LRRC75A: variants seen among roughly 807,000 people sequenced by gnomAD.
LRRC75A encodes the protein leucine rich repeat containing 75A.
LRRC75A carries 12 observed loss-of-function variants against 26.0 expected under a neutral mutation model. The observed-to-expected ratio is 0.46, with a 90% CI of 0.30 to 0.75. LRRC75A has a LOEUF of 0.75. Among genes scored for constraint, LRRC75A ranks in the 30% least tolerant of loss-of-function variants. The probability of loss-of-function intolerance (pLI) is 0.08; values close to 1 mark genes in which losing one functional copy is unlikely to be tolerated. For synonymous variants in LRRC75A, 223 were observed against 219.3 expected (o/e 1.02, Z -0.15); for missense variants, 410 against 486.6 (o/e 0.84, Z 1.48).
At chr17:16,453,997 T>C (rs929415114) in intron 2 of LRRC75A, among the ~76,000 whole-genome samples, 2 of 152,168 alleles carry the variant, frequency 1.3e-5, no homozygotes, top group East Asian at 1.9e-4. Context: ...TCTGAGCAGA[T>C]AGCCTTCCTG....
intron 2 of LRRC75A, among the ~76,000 whole-genome samples, chr17:16,456,185 G>C (rs1179341149): frequency 9.5e-6 from 1 of 105,418 alleles, no homozygotes; most frequent in Non-Finnish European, 2.0e-5. Flanking sequence ...GGAGGAGGAA[G>C]AGGAGGAAGG....
Position 16,443,746 on chromosome 17 carries a change from C to A in LRRC75A, c.877G>T (p.Gly293Cys). 6.2e-7 allele frequency: 1 copy of A among 1,613,852 alleles called. No homozygotes were observed. Among genetic ancestry groups the A allele is most frequent in the South Asian group, 1.1e-5 (1 of 91,074 alleles). The change falls in exon 4 of 4, where the codon GGC becomes TGC. Residue 293 changes from glycine to cysteine, a missense_variant. Coordinates refer to ENST00000470794, the MANE Select transcript of LRRC75A (RefSeq NM_001113567.3). Reference protein sequence around the residue: ...LSLRKRSPKQGHLPTILELGE... With the variant: ...LSLRKRSPKQCHLPTILELGE... ...AGCTCCAGGATGGTGGGTAGGTGGCCCTGCTTTGGGGAGCGCTTGCGCAGG... is the reference window on the plus strand; with the variant it reads ...AGCTCCAGGATGGTGGGTAGGTGGCACTGCTTTGGGGAGCGCTTGCGCAGG...
intron 1 of LRRC75A, among the ~76,000 whole-genome samples, chr17:16,468,097 T>G (rs553045599): frequency 2.6e-5 from 4 of 152,332 alleles, no homozygotes; most frequent in Non-Finnish European, 2.9e-5. Context: ...ACTGGAAACT[T>G]TGTGCGCTGC....
intron 2 of LRRC75A, among the ~76,000 whole-genome samples, chr17:16,452,146 G>A (rs2093637041): frequency 8.1e-6 from 1 of 123,154 alleles, no homozygotes; most frequent in Non-Finnish European, 1.7e-5. Context: ...GACCCCAGGA[G>A]TTCAAGACTA....
At chr17:16,444,170 G>T (rs529687498) in intron 3 of LRRC75A, 39 bp from the exon 4 acceptor site, 1 of 1,498,960 alleles carries the variant, frequency 6.7e-7, no homozygotes, top group Non-Finnish European at 9.0e-7. Context: ...AGGCACATAG[G>T]GCAGGCCTTT....
In LRRC75A at chr17:16,470,739, G is replaced by A. The variant is rs1041380033; in HGVS notation, c.247-8353C>T. On this transcript the variant is annotated intron_variant, in intron 1 of 3. Coordinates refer to ENST00000470794, the MANE Select transcript of LRRC75A (RefSeq NM_001113567.3). ...AGAAGCTGGGACATCCCAGAGTTAAGGAGCTGGGCACAGAGAAGACTTGCT... is the reference window on the plus strand; with the variant it reads ...AGAAGCTGGGACATCCCAGAGTTAAAGAGCTGGGCACAGAGAAGACTTGCT... Among the ~76,000 whole-genome samples the A allele has an allele frequency of 5.3e-5, 8 of 152,318 alleles. No individual in the cohort carries two copies. In the East Asian group the frequency reaches 1.4e-3, roughly 26 times the overall value.
chr17:16,469,830 C>T lies in LRRC75A; in HGVS notation c.247-7444G>A, dbSNP rs889688331. Among the ~76,000 whole-genome samples the T allele has an allele frequency of 2.6e-5, 4 of 152,184 alleles. No homozygotes were observed. In the East Asian group the frequency reaches 5.8e-4, roughly 22 times the overall value. On this transcript the variant is annotated intron_variant, in intron 1 of 3. Coordinates refer to ENST00000470794, the MANE Select transcript of LRRC75A (RefSeq NM_001113567.3). Reference sequence around the variant, plus strand: ...GCCTTGGGAGTTGCTGTCTCTGAACCGATGCAGACAGAGGCATGGGAGAGG... The same window carrying T: ...GCCTTGGGAGTTGCTGTCTCTGAACTGATGCAGACAGAGGCATGGGAGAGG...
rs1165635256 is a variant in LRRC75A, at chr17:16,444,110, T to G, written c.513A>C (p.Gly171=). 1 of 1,604,650 alleles carries G rather than the reference T, an allele frequency of 6.2e-7. No homozygotes were observed. Among genetic ancestry groups the G allele is most frequent in the African/African-American group, 1.3e-5 (1 of 74,762 alleles). Residue 171 remains glycine (G), a synonymous_variant, in exon 4 of 4, where the codon GGA becomes GGC. Coordinates refer to ENST00000470794, the MANE Select transcript of LRRC75A (RefSeq NM_001113567.3). ...GGTCCACTGTGTTGTCTGGGGGGCT[T>G]CCGGCCAGGACAGCCTTGAGGCTGA... ...PQACLKAVLA[G]SPPDNTVDLS...
At position 16,441,959 on chromosome 17, in the gene LRRC75A, T is replaced by A. The variant is rs1424433530; in HGVS notation, c.*1629A>T. On this transcript the variant is annotated 3_prime_UTR_variant, in exon 4 of 4. Transcript: ENST00000470794. ...TGGAAATTGTAAATTCCTCCTGAAA[T>A]GTTTTTTCATGCAGTTACCATGAAC... 6.5e-6 allele frequency: 1 copy of A among 153,212 alleles called. No individual in the cohort carries two copies. Among genetic ancestry groups the A allele is most frequent in the African/African-American group, 2.4e-5 (1 of 41,452 alleles). 9.5% of individuals were successfully genotyped at this position (153,212 alleles called of 1,614,324 possible). A position where few individuals can be genotyped will look rare whatever the true frequency, so the allele number is the denominator to read the frequency against.
intron 2 of LRRC75A, among the ~76,000 whole-genome samples, chr17:16,454,417 C>T (rs1313389939): frequency 1.7e-5 from 2 of 120,500 alleles, no homozygotes; most frequent in Non-Finnish European, 3.5e-5. Context: ...ACAGGCCAGG[C>T]GTGGTGGCTC....
At chr17:16,477,982 T>C (rs115156259) in intron 1 of LRRC75A, among the ~76,000 whole-genome samples, 4,320 of 151,154 alleles carry the variant, frequency 0.029, 208 homozygotes, top group African/African-American at 0.099. Flanking sequence ...ATGCAATGGG[T>C]CAGGCAAAGG....
Position 16,443,759 on chromosome 17 carries a change from G to C in LRRC75A, c.864C>G (p.Arg288=), listed in dbSNP as rs775650171. The C allele has an allele frequency of 6.2e-7, 1 of 1,613,782 alleles. No homozygotes were observed. The highest frequency in any genetic ancestry group is 8.5e-7 in the Non-Finnish European group (1 of 1,179,728). ...TGGGTAGGTGGCCCTGCTTTGGGGA[G>C]CGCTTGCGCAGGCTGAGCAGGAAGG... The part of the protein sequence containing the change: ...PQPFLLSLRK[R]SPKQGHLPTI... Residue 288 remains arginine (R), a synonymous_variant, in exon 4 of 4, where the codon CGC becomes CGG. Coordinates refer to ENST00000470794, the MANE Select transcript of LRRC75A (RefSeq NM_001113567.3).
At chr17:16,473,147 G>A (rs933267686) in intron 1 of LRRC75A, among the ~76,000 whole-genome samples, 1 of 152,024 alleles carries the variant, frequency 6.6e-6, no homozygotes, top group East Asian at 1.9e-4. Context: ...GTGTGTGTGT[G>A]TGTGCGCGCG....
At chr17:16,468,926 A>G (rs1437246807) in intron 1 of LRRC75A, among the ~76,000 whole-genome samples, 2 of 152,140 alleles carry the variant, frequency 1.3e-5, no homozygotes, top group Non-Finnish European at 2.9e-5. Flanking sequence ...AGGAGGGGGC[A>G]GGGGAGGGTG....
intron 2 of LRRC75A, among the ~76,000 whole-genome samples, chr17:16,449,079 TGCTGAGGCTTGGATGCAAGC>T (rs972142529): frequency 2.6e-4 from 39 of 152,300 alleles, no homozygotes; most frequent in East Asian, 1.9e-3. Flanking sequence ...AGTGGGCCAG[TGCTGAGGCTTGGATGCAAGC>T]GCTGAGGCTT....
At chr17:16,469,224 C>G (rs1399662294) in intron 1 of LRRC75A, among the ~76,000 whole-genome samples, 1 of 152,184 alleles carries the variant, frequency 6.6e-6, no homozygotes, top group Non-Finnish European at 1.5e-5. Context: ...CTCTCACTGC[C>G]CCCAAGAAGG....
chr17:16,456,242 A>G (rs2093680264), intron 2 of LRRC75A, among the ~76,000 whole-genome samples: 1 of 138,052 alleles, frequency 7.2e-6, no homozygotes, highest in Non-Finnish European at 1.6e-5. Context: ...AGAAAGGAGG[A>G]GAAGAAGGAA....
Position 16,491,375 on chromosome 17 carries a change from C to G in LRRC75A, c.246+370G>C, listed in dbSNP as rs972342990. Among the ~76,000 whole-genome samples the G allele has an allele frequency of 1.3e-5, 2 of 152,234 alleles. No homozygotes were observed. Among genetic ancestry groups the G allele is most frequent in the Admixed American group, 1.3e-4 (2 of 15,292 alleles). On this transcript the variant is annotated intron_variant, in intron 1 of 3. Transcript: ENST00000470794. The surrounding 1 kb of genome is among the most constrained non-coding windows in gnomAD (Gnocchi z 5.9). ...GAGGACCCTCGGCCGGGAGTGACTGCCAGTGGGCAGACAGGAAGAAAAGAG... is the reference window on the plus strand; with the variant it reads ...GAGGACCCTCGGCCGGGAGTGACTGGCAGTGGGCAGACAGGAAGAAAAGAG...
intron 2 of LRRC75A, among the ~76,000 whole-genome samples, chr17:16,449,811 T>G (rs932501235): frequency 6.6e-6 from 1 of 152,152 alleles, no homozygotes; most frequent in Admixed American, 6.5e-5. Context: ...GAGATGGGGT[T>G]TCACCATGTT....
Sources: gnomAD v4.1 joint callset for allele counts (sites outside exome capture counted in the v4.1 genomes callset) on GRCh38, gnomAD v4.1.1 for gene constraint, Gnocchi (gnomAD v3.1) non-coding constraint, MANE v1.5 for transcripts, NCBI Gene and HGNC (gene_info 2026-07-23, HGNC 2026-07-21) for gene names.